SORCS2: variants seen among roughly 807,000 people sequenced by gnomAD.
SORCS2 encodes sortilin related VPS10 domain containing receptor 2, also known as VPS10 domain-containing receptor SorCS2.
SORCS2 carries 100 observed loss-of-function variants against 141.6 expected under a neutral mutation model. The ratio of observed to expected loss-of-function variants is 0.71; its 90% CI spans 0.60 to 0.83. SORCS2 has a LOEUF of 0.83. Ranked by LOEUF, SORCS2 falls within the 40% of genes least tolerant of loss-of-function variation. SORCS2 has a pLI of 0.00. For missense variants in SORCS2, 1,646 were observed against 1,560.2 expected, an observed-to-expected ratio of 1.05 and a Z score of -0.93; for synonymous variants, 789 against 676.9, an observed-to-expected ratio of 1.17 and a Z score of -2.57.
intron 1 of SORCS2, among the ~76,000 whole-genome samples, chr4:7,269,812 G>T (rs1251029539): frequency 6.6e-6 from 1 of 152,198 alleles, no homozygotes; most frequent in Non-Finnish European, 1.5e-5. Flanking sequence ...AATTTTTGTT[G>T]CTGTGAGCCA....
chr4:7,404,525 T>C (rs1577508429), intron 2 of SORCS2, among the ~76,000 whole-genome samples: 1 of 152,126 alleles, frequency 6.6e-6, no homozygotes, highest in Non-Finnish European at 1.5e-5. Flanking sequence ...TATTTTTTTG[T>C]CTTTTTATTA....
intron 1 of SORCS2, among the ~76,000 whole-genome samples, chr4:7,274,629 A>G (rs3892241): frequency 0.27 from 40,585 of 152,134 alleles, 6,913 homozygotes; most frequent in Non-Finnish European, 0.38. Flanking sequence ...ATCTGTCCCC[A>G]TGATCCAATC....
At position 7,543,784 on chromosome 4, in the gene SORCS2, T is replaced by TCATCCATCCATC. The variant is rs771822077; in HGVS notation, c.648+12180_648+12191dup. On this transcript the variant is annotated intron_variant, in intron 3 of 26. Coordinates refer to ENST00000507866, the MANE Select transcript of SORCS2 (RefSeq NM_020777.3). ...CCCACCCATCCGTCCATCCATCCAC[T>TCATCCATCCATC]CATCCATCCATCCATCCATCCATCC... Among the ~76,000 whole-genome samples, 20 of 13,620 alleles carry TCATCCATCCATC rather than the reference T, an allele frequency of 1.5e-3. 1 individual carries two copies. The highest frequency in any genetic ancestry group is 2.4e-3 in the Non-Finnish European group (15 of 6,136). 8.9% of individuals were successfully genotyped at this position (13,620 alleles called of 152,430 possible).
chr4:7,683,576 G>A (rs1224186475), intron 10 of SORCS2, among the ~76,000 whole-genome samples: 3 of 152,220 alleles, frequency 2.0e-5, no homozygotes, highest in Non-Finnish European at 2.9e-5. Flanking sequence ...TACAATTCAA[G>A]CCTGCTGGTA....
chr4:7,430,998 TGTTCCGGGCTTG>T (rs918657699), intron 2 of SORCS2: 2 of 152,278 alleles, frequency 1.3e-5, no homozygotes, highest in Non-Finnish European at 2.9e-5. Context: ...GCACCTCCTG[TGTTCCGGGCTTG>T]GTTCCGGGCA....
chr4:7,706,471 C>T (rs1339150323), intron 14 of SORCS2, among the ~76,000 whole-genome samples: 1 of 121,376 alleles, frequency 8.2e-6, no homozygotes, highest in African/African-American at 3.3e-5. Context: ...TGAGGCTGGG[C>T]TCTGCCTGGA....
At chr4:7,290,242 A>G (rs1460680671) in intron 1 of SORCS2, among the ~76,000 whole-genome samples, 1 of 152,010 alleles carries the variant, frequency 6.6e-6, no homozygotes, top group Non-Finnish European at 1.5e-5. Flanking sequence ...AGGGTCTAAC[A>G]CAGCGCCCGT....
At chr4:7,547,222 C>A (rs373754082) in intron 3 of SORCS2, among the ~76,000 whole-genome samples, 1 of 152,142 alleles carries the variant, frequency 6.6e-6, no homozygotes, top group Non-Finnish European at 1.5e-5. Context: ...TAATACTGGG[C>A]CTGTCTCCAT....
Position 7,682,898 on chromosome 4 carries a change from C to G in SORCS2, c.1488+9C>G. 6.2e-6 allele frequency: 10 copies of G among 1,612,412 alleles called. No individual in the cohort carries two copies. Among genetic ancestry groups the G allele is most frequent in the Non-Finnish European group, 8.5e-6 (10 of 1,179,324 alleles). On this transcript the variant is annotated intron_variant, in intron 10 of 26. Transcript: ENST00000507866. The stretch of plus-strand genomic sequence containing the variant: ...CAACCAACTGCAAGCCTGTAAGTAC[C>G]TCTGCTCACATCACACACCATCCTT...
chr4:7,335,410 A>G (rs886429809), intron 1 of SORCS2, among the ~76,000 whole-genome samples: 12 of 152,216 alleles, frequency 7.9e-5, no homozygotes, highest in Non-Finnish European at 1.8e-4. Flanking sequence ...CAGAGAACCC[A>G]AACATGGGAG....
chr4:7,362,762 C>T (rs2109026451), intron 1 of SORCS2, among the ~76,000 whole-genome samples: 1 of 151,958 alleles, frequency 6.6e-6, no homozygotes, highest in East Asian at 1.9e-4. Context: ...TCACCACCTC[C>T]ACCGTCATTA....
rs116539336 is a variant in SORCS2, at chr4:7,476,097, G to T, written c.549-55433G>T. 6.1e-3 allele frequency among the ~76,000 whole-genome samples: 932 copies of T among 152,352 alleles called. 14 individuals carry two copies. The highest frequency in any genetic ancestry group is 0.021 in the African/African-American group (890 of 41,576). On this transcript the variant is annotated intron_variant, in intron 2 of 26. Transcript: ENST00000507866. ...CGCTTCTCTCTCCTGAGAGCCACAG[G>T]CTGGTGGGCTCAGCCATGTGCCAGC...
Position 7,638,439 on chromosome 4 carries a change from A to AT in SORCS2, c.764dup (p.His256ProfsTer3). 1 of 1,608,912 alleles carries AT rather than the reference A, an allele frequency of 6.2e-7. No individual in the cohort carries two copies. The highest frequency in any genetic ancestry group is 8.5e-7 in the Non-Finnish European group (1 of 1,178,034). The stretch of plus-strand genomic sequence containing the variant: ...CATTCCCTTCTTCGTGGAAACTCTG[A>AT]TTTTCCACCCTAAGGAGGAGGACAA... On this transcript the variant is annotated frameshift_variant, in exon 4 of 27. Transcript: ENST00000507866. LOFTEE classifies it high-confidence loss of function.
At chr4:7,732,745 A>G (rs1711803370) in intron 23 of SORCS2, among the ~76,000 whole-genome samples, 1 of 151,754 alleles carries the variant, frequency 6.6e-6, no homozygotes, top group East Asian at 2.0e-4. Flanking sequence ...TGTGTCTTTT[A>G]CATTCCCGAC....
chr4:7,445,541 A>AG (rs1312770450), intron 2 of SORCS2, among the ~76,000 whole-genome samples: 2 of 152,118 alleles, frequency 1.3e-5, no homozygotes, highest in Non-Finnish European at 2.9e-5. Flanking sequence ...AGCGGGGCCG[A>AG]GGGGAAGCAC....
chr4:7,337,129 G>A, intron 1 of SORCS2, among the ~76,000 whole-genome samples: 1 of 152,174 alleles, frequency 6.6e-6, no homozygotes, highest in East Asian at 1.9e-4. Context: ...CCTCACCGAG[G>A]GCAGATGTTT....
chr4:7,412,709 G>C (rs1725398576), intron 2 of SORCS2, among the ~76,000 whole-genome samples: 1 of 151,922 alleles, frequency 6.6e-6, no homozygotes, highest in African/African-American at 2.4e-5. Context: ...CCTCCCTGCA[G>C]GTCTTGCTCC....
At chr4:7,200,790 G>A (rs146662793) in intron 1 of SORCS2, among the ~76,000 whole-genome samples, 2,277 of 152,302 alleles carry the variant, frequency 0.015, 36 homozygotes, top group Non-Finnish European at 0.022. Context: ...TGGTTCCTGT[G>A]TGTCAGGCCA....
At chr4:7,429,261 C>G (rs180951474) in intron 2 of SORCS2, among the ~76,000 whole-genome samples, 101 of 152,270 alleles carry the variant, frequency 6.6e-4, no homozygotes, top group African/African-American at 2.3e-3. Flanking sequence ...TGGTGCTGCT[C>G]TATTCCACCC....
Sources: gnomAD v4.1 joint callset for allele counts (sites outside exome capture counted in the v4.1 genomes callset) on GRCh38, gnomAD v4.1.1 for gene constraint, MANE v1.5 for transcripts, NCBI Gene and HGNC (gene_info 2026-07-23, HGNC 2026-07-21) for gene names.